The following MAP3K15 variants were observed in gnomAD, a reference collection of about 807,000 sequenced individuals.
MAP3K15 encodes MAPK/ERK kinase kinase 15.
A neutral mutation model predicts 99.5 loss-of-function variants in MAP3K15; 124 were observed. The ratio of observed to expected loss-of-function variants is 1.25; its 90% confidence interval spans 1.08 to 1.45. The LOEUF (loss-of-function observed/expected upper bound fraction) is 1.45. Ranked by LOEUF, MAP3K15 falls within the 40% of genes most tolerant of loss-of-function variation. The pLI is 0.00. For missense variants in MAP3K15, 1,242 were observed against 1,079.7 expected (o/e 1.15, Z -2.11); for synonymous variants, 494 against 439.6 (o/e 1.12, Z -1.55).
chrX:19,420,190 G>C (rs1194309694), intron 9 of MAP3K15, among the ~76,000 whole-genome samples: 1 of 111,394 alleles, frequency 9.0e-6, no homozygotes, highest in Non-Finnish European at 1.9e-5. Context: ...ACTAAGATCA[G>C]AGCAGAACTG....
At chrX:19,406,151 G>A (rs980874630) in intron 13 of MAP3K15, among the ~76,000 whole-genome samples, 1 of 111,814 alleles carries the variant, frequency 8.9e-6, no homozygotes, top group African/African-American at 3.3e-5. Context: ...CATTGCTAAT[G>A]GGAATATAAA....
At position 19,445,032 on chromosome X, in the gene MAP3K15, T is replaced by C. The variant is rs756471365; in HGVS notation, c.995+11881A>G. On this transcript the variant is annotated intron_variant, in intron 6 of 28. Coordinates refer to ENST00000338883, the MANE Select transcript of MAP3K15 (RefSeq NM_001001671.4). ...CTGGATGAGACAACTCTATATGTTG[T>C]TCTATAGAGAATGTTCTATAAAGCC... Among the ~76,000 whole-genome samples, 200 of 111,048 alleles carry C rather than the reference T, an allele frequency of 1.8e-3. 2 individuals carry two copies. Among genetic ancestry groups the C allele is most frequent in the African/African-American group, 6.2e-3 (190 of 30,600 alleles).
chrX:19,476,216 G>C (rs1458089788), intron 3 of MAP3K15, among the ~76,000 whole-genome samples: 1 of 112,037 alleles, frequency 8.9e-6, no homozygotes, highest in African/African-American at 3.2e-5. Flanking sequence ...AAGGCAGATA[G>C]AAAGCCACTT....
At chrX:19,513,762 C>A (rs761243770) in intron 1 of MAP3K15, among the ~76,000 whole-genome samples, 2 of 111,729 alleles carry the variant, frequency 1.8e-5, no homozygotes, top group African/African-American at 6.5e-5. Context: ...CAAGGACTCC[C>A]AGGTAATTAC....
intron 1 of MAP3K15, among the ~76,000 whole-genome samples, chrX:19,499,923 T>C (rs760207710): frequency 8.9e-6 from 1 of 112,823 alleles, no homozygotes; most frequent in East Asian, 2.8e-4. Flanking sequence ...TATATCACAA[T>C]GCCTATACAT....
Position 19,392,500 on chromosome X carries a change from A to C in MAP3K15, c.2195-27T>G, listed in dbSNP as rs374731738. The C allele has an allele frequency of 7.6e-6, 9 of 1,190,914 alleles. No individual in the cohort carries two copies. In the African/African-American group the frequency reaches 8.9e-5, roughly 12 times the overall value. ...TAGAGACAGTCACAGCAAAAAACTT[A>C]TCAGGAAGAGAAAGTTTCAATAAAA... is the stretch of plus-strand genomic sequence containing the variant. On this transcript the variant is annotated intron_variant, in intron 16 of 28. Transcript: ENST00000338883.
intron 11 of MAP3K15, among the ~76,000 whole-genome samples, chrX:19,412,932 G>A (rs947708356): frequency 3.7e-5 from 4 of 108,863 alleles, no homozygotes; most frequent in African/African-American, 1.3e-4. Context: ...TAGAGACGGG[G>A]TTTTGATGTG....
chrX:19,487,836 G>A (rs1442477675), intron 2 of MAP3K15, among the ~76,000 whole-genome samples: 1 of 111,446 alleles, frequency 9.0e-6, no homozygotes, highest in Non-Finnish European at 1.9e-5. Flanking sequence ...ATCTACCAGT[G>A]ATTTTTAATA....
chrX:19,514,926 G>T lies in MAP3K15; in HGVS notation c.336C>A (p.Ala112=), dbSNP rs1367402027. 8.7e-7 allele frequency: 1 copy of T among 1,143,540 alleles called. No individual in the cohort carries two copies. The highest frequency in any genetic ancestry group is 1.2e-6 in the Non-Finnish European group (1 of 865,501). The allele number at this position is 1,143,540 out of a possible 1,213,427, so 94.2% of individuals were successfully genotyped here. ...PFGELDFGET[A]VLDAFYDADV... ...CTGCGTCGTAGAAGGCGTCGAGCAC[G>T]GCCGTCTCCCCGAAGTCCAGCTCCC... The change falls in exon 1 of 29, where the codon GCC becomes GCA. Residue 112 remains alanine (A), a synonymous_variant. Transcript: ENST00000338883.
Position 19,431,455 on chromosome X carries a change from G to A in MAP3K15, c.1149C>T (p.Arg383=), listed in dbSNP as rs767968900. 20 of 1,198,012 alleles carry A rather than the reference G, an allele frequency of 1.7e-5. No homozygotes were observed. The highest frequency in any genetic ancestry group is 5.3e-5 in the South Asian group (3 of 56,745). The change falls in exon 7 of 29, where the codon CGC becomes CGT. Residue 383 remains arginine (R), a synonymous_variant. Coordinates refer to ENST00000338883, the MANE Select transcript of MAP3K15 (RefSeq NM_001001671.4). ...LDSDCKDDTS[R]DSAIEWYRKG... is the part of the protein sequence containing the mutation. Reference sequence around the variant, plus strand: ...GGGTTTACCACTCAATGGCGCTGTCGCGGCTGGTGTCATCTTTGCAGTCTG... The same window carrying A: ...GGGTTTACCACTCAATGGCGCTGTCACGGCTGGTGTCATCTTTGCAGTCTG...
intron 19 of MAP3K15, 77 bp from the exon 20 acceptor site, chrX:19,374,737 C>A: frequency 4.3e-6 from 4 of 931,799 alleles, no homozygotes; most frequent in Admixed American, 5.1e-5. Flanking sequence ...CAGTCCAAAG[C>A]TCCTGTACAC....
intron 9 of MAP3K15, among the ~76,000 whole-genome samples, chrX:19,418,435 G>A (rs1047376855): frequency 6.3e-5 from 7 of 110,692 alleles, no homozygotes; most frequent in African/African-American, 1.7e-4. Flanking sequence ...TGGAAGAAAG[G>A]GTATCAGTGA....
chrX:19,371,103 A>G (rs746547349), intron 23 of MAP3K15, 39 bp from the exon 24 acceptor site: 2 of 1,030,793 alleles, frequency 1.9e-6, no homozygotes, highest in Admixed American at 3.6e-5. Flanking sequence ...CTAAAATCAC[A>G]AAAATCCAGA....
At chrX:19,382,753 C>T (rs918358750) in intron 18 of MAP3K15, among the ~76,000 whole-genome samples, 1 of 111,763 alleles carries the variant, frequency 8.9e-6, no homozygotes, top group African/African-American at 3.3e-5. Flanking sequence ...GACACAATAT[C>T]CCCTATGGGC....
chrX:19,374,722 T>C, intron 19 of MAP3K15, 62 bp from the exon 20 acceptor site: 2 of 1,049,454 alleles, frequency 1.9e-6, no homozygotes, highest in Admixed American at 2.3e-5. Flanking sequence ...CAGGTATCCA[T>C]GTCTCAGTCC....
intron 13 of MAP3K15, among the ~76,000 whole-genome samples, chrX:19,405,232 C>G (rs1176782585): frequency 9.0e-6 from 1 of 111,578 alleles, no homozygotes; most frequent in Non-Finnish European, 1.9e-5. Context: ...TTGGAGATAG[C>G]TGGCAAACAC....
rs760452829 is a variant in MAP3K15, at chrX:19,431,423, G to A, written c.1166+15C>T. 17 of 1,193,438 alleles carry A rather than the reference G, an allele frequency of 1.4e-5. No individual in the cohort carries two copies. The highest frequency in any genetic ancestry group is 1.8e-5 in the African/African-American group (1 of 57,073). ...GAAGAGATGCAAGTGCTCATAACTC[G>A]GGCTGAGGGTTTACCACTCAATGGC... On this transcript the variant is annotated intron_variant, in intron 7 of 28. Coordinates refer to ENST00000338883, the MANE Select transcript of MAP3K15 (RefSeq NM_001001671.4).
At chrX:19,385,567 G>C (rs186977795) in intron 18 of MAP3K15, among the ~76,000 whole-genome samples, 2 of 111,062 alleles carry the variant, frequency 1.8e-5, no homozygotes, top group Admixed American at 9.6e-5. Flanking sequence ...TCTGACTCCT[G>C]GTGAGCACTT....
chrX:19,379,290 TTTTC>T (rs2063441075), intron 19 of MAP3K15, among the ~76,000 whole-genome samples: 1 of 108,384 alleles, frequency 9.2e-6, no homozygotes, highest in African/African-American at 3.4e-5. Flanking sequence ...CTAGTTTCCT[TTTTC>T]TTTTTTTTTT....
Sources: gnomAD v4.1 joint callset for allele counts (sites outside exome capture counted in the v4.1 genomes callset) on GRCh38, gnomAD v4.1.1 for gene constraint, MANE v1.5 for transcripts, NCBI Gene and HGNC (gene_info 2026-07-23, HGNC 2026-07-21) for gene names.